The following NOP9 variants were observed in gnomAD, a reference collection of about 807,000 sequenced individuals.
NOP9 encodes the protein nucleolar protein 9.
NOP9 carries 50 observed loss-of-function variants against 63.0 expected under a neutral mutation model. The observed-to-expected ratio is 0.79, with a 90% CI of 0.63 to 1.00. The LOEUF (loss-of-function observed/expected upper bound fraction) is 1.00, where lower values mean the gene tolerates loss of function less well. Ranked by LOEUF, NOP9 falls within the 50% of genes least tolerant of loss-of-function variation. The probability of loss-of-function intolerance (pLI) is 0.00; values close to 1 mark genes in which losing one functional copy is unlikely to be tolerated. For missense variants in NOP9, 758 were observed against 803.0 expected, an observed-to-expected ratio of 0.94 and a Z score of 0.68; for synonymous variants, 343 against 332.8, an observed-to-expected ratio of 1.03 and a Z score of -0.33.
rs1454623056 is a variant in NOP9 at position 24,300,394 on chromosome 14, TC to T, written c.248-13del. 1 of 1,604,738 alleles carries T rather than the reference TC, an allele frequency of 6.2e-7. No individual in the cohort carries two copies. Among genetic ancestry groups the T allele is most frequent in the East Asian group, 2.2e-5 (1 of 44,710 alleles). On this transcript the variant is annotated splice_polypyrimidine_tract_variant and intron_variant, in intron 1 of 9. Coordinates refer to ENST00000267425, the MANE Select transcript of NOP9 (RefSeq NM_174913.3). ...ACTAAGTCTCTTCAAAGTGTGTCTT[TC>T]TTCCCTTTTCAGATCTGATGGTGCA...
intron 5 of NOP9, 132 bp from the exon 6 acceptor site, chr14:24,302,940 CAA>C: frequency 9.0e-7 from 1 of 1,116,374 alleles, no homozygotes; most frequent in Non-Finnish European, 1.2e-6. Context: ...TCTAGCCAAA[CAA>C]AAGTCCTGAT....
rs927327806 is a variant in NOP9 at position 24,305,913 on chromosome 14, G to C, written c.*818G>C. On this transcript the variant is annotated 3_prime_UTR_variant, in exon 10 of 10. Transcript: ENST00000267425. ...GAATTATGGGGACTATCCAACTGTA[G>C]GGGATGGGGCAGTATGACATGTTGA... is the stretch of plus-strand genomic sequence containing the variant. 3.1e-6 allele frequency: 5 copies of C among 1,600,486 alleles called. No individual in the cohort carries two copies. The African/African-American group carries it at 6.7e-5, about 21-fold the overall frequency.
chr14:24,292,422 C>T, the NOP9 span: 1 of 1,555,612 alleles, frequency 6.4e-7, no homozygotes, highest in Non-Finnish European at 8.7e-7. Flanking sequence ...GCTCCACCCA[C>T]CCTGTCCTTC....
chr14:24,301,817 T>C (rs1487908640), intron 3 of NOP9, 95 bp downstream of exon 3: 12 of 1,503,346 alleles, frequency 8.0e-6, no homozygotes, highest in Non-Finnish European at 1.1e-5. Context: ...TTCCTCTTCT[T>C]TTCAAACCTG....
Position 24,306,585 on chromosome 14 carries a change from G to A in NOP9, c.*1490G>A. On this transcript the variant is annotated 3_prime_UTR_variant, in exon 10 of 10. Transcript: ENST00000267425. ...TCCCATGCCCCTTCCCTCTTTAGCTGCCCAACATCCATCAGTTGGCTCTAG... is the reference window on the plus strand; with the variant it reads ...TCCCATGCCCCTTCCCTCTTTAGCTACCCAACATCCATCAGTTGGCTCTAG... 6.2e-7 allele frequency: 1 copy of A among 1,604,228 alleles called. No homozygotes were observed. Among genetic ancestry groups the A allele is most frequent in the Non-Finnish European group, 8.5e-7 (1 of 1,171,988 alleles).
At chr14:24,292,705 G>A in the NOP9 span, 1 of 1,614,208 alleles carries the variant, frequency 6.2e-7, no homozygotes, top group African/African-American at 1.3e-5. Context: ...AGGCTTCCTG[G>A]GGAGGAGATG....
At chr14:24,296,004 T>G (rs1198655856), upstream of NOP9, among the ~76,000 whole-genome samples, 1 of 152,208 alleles carries the variant, frequency 6.6e-6, no homozygotes, top group Non-Finnish European at 1.5e-5. Context: ...TTCATCTCAC[T>G]CCTGGGCTAA....
At chr14:24,290,696 G>T in the NOP9 span, 5 of 754,438 alleles carry the variant, frequency 6.6e-6, no homozygotes, top group African/African-American at 8.7e-5. Flanking sequence ...CACAAAGAAG[G>T]GACCTAGGCG....
upstream of NOP9, among the ~76,000 whole-genome samples, chr14:24,295,305 T>A (rs2041231239): frequency 6.6e-6 from 1 of 152,186 alleles, no homozygotes. Flanking sequence ...GTCTTCAGAT[T>A]TTTTCCATAT....
Position 24,301,673 on chromosome 14 carries a change from T to C in NOP9, c.759T>C (p.Phe253=), listed in dbSNP as rs770568914. Reference sequence around the variant, plus strand: ...CTGATTTTGAAGTCCCTGAAACCTTTTTGAATCGCCTTCAGGACCTGAGCT... The same window carrying C: ...CTGATTTTGAAGTCCCTGAAACCTTCTTGAATCGCCTTCAGGACCTGAGCT... The part of the protein sequence containing the change: ...KPADFEVPET[F]LNRLQDLSSS... Residue 253 remains phenylalanine, a synonymous_variant, in exon 3 of 10, where the codon TTT becomes TTC. Coordinates refer to ENST00000267425, the MANE Select transcript of NOP9 (RefSeq NM_174913.3). 3.5e-5 allele frequency: 56 copies of C among 1,614,058 alleles called. No homozygotes were observed. Among genetic ancestry groups the C allele is most frequent in the Non-Finnish European group, 4.6e-5 (54 of 1,180,038 alleles).
chr14:24,286,688 G>C, the NOP9 span, among the ~76,000 whole-genome samples: 1 of 151,998 alleles, frequency 6.6e-6, no homozygotes, highest in Non-Finnish European at 1.5e-5. Context: ...TGCCTCCCAG[G>C]TTCACGCCAT....
upstream of NOP9, among the ~76,000 whole-genome samples, chr14:24,297,675 TCTATTAGGGTC>T (rs1191860981): frequency 6.6e-6 from 1 of 152,128 alleles, no homozygotes; most frequent in African/African-American, 2.4e-5. Flanking sequence ...GCCTGAGTTC[TCTATTAGGGTC>T]TTCCAAGACC....
chr14:24,296,866 C>T (rs1451733834), upstream of NOP9: 7 of 1,614,192 alleles, frequency 4.3e-6, no homozygotes, highest in Middle Eastern at 1.6e-4. Flanking sequence ...ACACATTGGC[C>T]CCCGAGGGAT....
intron 2 of NOP9, 94 bp downstream of exon 2, chr14:24,300,951 GAGCTTGACCGGGAAGAATT>G: frequency 9.8e-7 from 1 of 1,020,282 alleles, no homozygotes; most frequent in Non-Finnish European, 1.4e-6. Context: ...CTTCATGGGG[GAGCTTGACCGGGAAGAATT>G]AGCTTGACCT....
At chr14:24,298,330 G>C (rs1056714053), upstream of NOP9, among the ~76,000 whole-genome samples, 9 of 152,246 alleles carry the variant, frequency 5.9e-5, no homozygotes, top group African/African-American at 2.2e-4. Flanking sequence ...GGGACTACAG[G>C]CATGAGCCAC....
upstream of NOP9, chr14:24,296,405 T>G: frequency 1.8e-6 from 2 of 1,106,040 alleles, no homozygotes; most frequent in South Asian, 1.3e-5. Flanking sequence ...AAGAAAGAGA[T>G]GGGGGAGGCC....
In NOP9 at chr14:24,305,763, T is replaced by G; in HGVS notation, c.*668T>G. The G allele has an allele frequency of 6.2e-7, 1 of 1,612,606 alleles. No individual in the cohort carries two copies. Among genetic ancestry groups the G allele is most frequent in the Non-Finnish European group, 8.5e-7 (1 of 1,179,542 alleles). On this transcript the variant is annotated 3_prime_UTR_variant, in exon 10 of 10. Transcript: ENST00000267425. ...CAGTGTGGAGGTCCAACGAAGGAGC[T>G]CCCTGAATGGCAGAGACAAGAGGAA...
Position 24,300,060 on chromosome 14 carries a change from A to G in NOP9, c.106A>G (p.Lys36Glu), listed in dbSNP as rs1213949563. 2 of 1,612,164 alleles carry G rather than the reference A, an allele frequency of 1.2e-6. No individual in the cohort carries two copies. Among genetic ancestry groups the G allele is most frequent in the Non-Finnish European group, 1.7e-6 (2 of 1,179,660 alleles). The change falls in exon 1 of 10, where the codon AAG becomes GAG. Residue 36 changes from lysine to glutamate, a missense_variant. Lys to Glu is a moderately conservative substitution (Grantham distance 56, BLOSUM62 1). Coordinates refer to ENST00000267425, the MANE Select transcript of NOP9 (RefSeq NM_174913.3). Reference protein sequence around the residue: ...KGSGRPLPGRKRQPWPPPDGR... With the variant: ...KGSGRPLPGRERQPWPPPDGR... The stretch of plus-strand genomic sequence containing the variant: ...GTCGGGGCGCCCCTTACCAGGCCGT[A>G]AGCGGCAACCCTGGCCGCCTCCGGA...
At chr14:24,282,595 T>C in the NOP9 span, among the ~76,000 whole-genome samples, 899 of 152,296 alleles carry the variant, frequency 5.9e-3, 8 homozygotes, top group African/African-American at 0.02. Context: ...TTTGCGCGTT[T>C]CTTCTGGAAC....
Sources: gnomAD v4.1 joint callset for allele counts (sites outside exome capture counted in the v4.1 genomes callset) on GRCh38, gnomAD v4.1.1 for gene constraint, MANE v1.5 for transcripts, NCBI Gene and HGNC (gene_info 2026-07-23, HGNC 2026-07-21) for gene names.